MACROD2: variants seen among roughly 807,000 people sequenced by gnomAD.
MACROD2 encodes mono-ADP ribosylhydrolase 2, also known as ADP-ribose glycohydrolase MACROD2.
In MACROD2, 36 loss-of-function variants were observed where a neutral mutation model predicts 70.4. The observed-to-expected ratio is 0.51, with a 90% confidence interval of 0.39 to 0.68. The LOEUF (loss-of-function observed/expected upper bound fraction) is 0.68, where lower values mean the gene tolerates loss of function less well. Among genes scored for constraint, MACROD2 ranks in the 30% least tolerant of loss-of-function variants. MACROD2 has a pLI of 0.00. For missense variants in MACROD2, 496 were observed against 538.4 expected (o/e 0.92, Z 0.78); for synonymous variants, 172 against 178.8 (o/e 0.96, Z 0.30).
chr20:15,262,555 G>A (rs935376333), intron 6 of MACROD2, among the ~76,000 whole-genome samples: 1 of 151,900 alleles, frequency 6.6e-6, no homozygotes, highest in Non-Finnish European at 1.5e-5. Context: ...TTCTTTGAAT[G>A]TATACCTAGC....
chr20:15,560,201 A>G (rs923638269), intron 8 of MACROD2, among the ~76,000 whole-genome samples: 1 of 152,170 alleles, frequency 6.6e-6, no homozygotes, highest in African/African-American at 2.4e-5. Flanking sequence ...AGTAAGAGAC[A>G]TTGTGTTGGA....
intron 5 of MACROD2, among the ~76,000 whole-genome samples, chr20:14,958,666 T>C (rs78294514): frequency 0.01 from 1,595 of 152,262 alleles, 30 homozygotes; most frequent in African/African-American, 0.036. Flanking sequence ...CCCAAATCAG[T>C]ATGTAACCTA....
At chr20:14,677,569 G>A (rs949754607) in intron 4 of MACROD2, among the ~76,000 whole-genome samples, 2 of 152,166 alleles carry the variant, frequency 1.3e-5, no homozygotes, top group Non-Finnish European at 2.9e-5. Context: ...GTAAATGACA[G>A]GTATGTCAGT....
At chr20:14,211,791 C>T (rs1166605684) in intron 3 of MACROD2, among the ~76,000 whole-genome samples, 3 of 152,156 alleles carry the variant, frequency 2.0e-5, no homozygotes, top group African/African-American at 4.8e-5. Context: ...CTCACAAGGC[C>T]TCTTAGTCTT....
At chr20:15,883,677 A>T (rs992500679) in intron 9 of MACROD2, among the ~76,000 whole-genome samples, 13 of 152,282 alleles carry the variant, frequency 8.5e-5, no homozygotes, top group African/African-American at 3.1e-4. Flanking sequence ...TACAAAGCAC[A>T]TATATAGGAG....
At chr20:14,611,224 TTA>T (rs1010177536) in intron 4 of MACROD2, among the ~76,000 whole-genome samples, 3 of 152,146 alleles carry the variant, frequency 2.0e-5, no homozygotes, top group Non-Finnish European at 4.4e-5. Context: ...CTGTGTTTCC[TTA>T]TCTGTGAAAT....
intron 15 of MACROD2, among the ~76,000 whole-genome samples, chr20:16,003,916 G>A (rs1385461437): frequency 6.6e-6 from 1 of 152,150 alleles, no homozygotes; most frequent in Non-Finnish European, 1.5e-5. Flanking sequence ...TGGTCTGCCC[G>A]CCTCGGCCTC....
intron 4 of MACROD2, among the ~76,000 whole-genome samples, chr20:14,521,609 A>G (rs998757394): frequency 2.0e-5 from 3 of 152,182 alleles, no homozygotes; most frequent in Non-Finnish European, 2.9e-5. Context: ...TGTTGGATGA[A>G]TAGTGTGTAT....
At chr20:15,211,856 A>C (rs1450599537) in intron 5 of MACROD2, among the ~76,000 whole-genome samples, 1 of 152,208 alleles carries the variant, frequency 6.6e-6, no homozygotes, top group Non-Finnish European at 1.5e-5. Context: ...TTGTGTGGAC[A>C]TGTGTTGTCA....
intron 8 of MACROD2, among the ~76,000 whole-genome samples, chr20:15,697,651 G>A (rs2050395090): frequency 6.6e-6 from 1 of 152,202 alleles, no homozygotes; most frequent in Non-Finnish European, 1.5e-5. Context: ...TGTCAGTGGA[G>A]TACAGAAGTC....
At chr20:14,555,066 G>A (rs551686929) in intron 4 of MACROD2, among the ~76,000 whole-genome samples, 4 of 152,150 alleles carry the variant, frequency 2.6e-5, no homozygotes, top group African/African-American at 4.8e-5. Flanking sequence ...CAAGGTGACT[G>A]TAGTCAACAA....
At chr20:15,890,085 T>A (rs750769046) in intron 10 of MACROD2, among the ~76,000 whole-genome samples, 1 of 152,210 alleles carries the variant, frequency 6.6e-6, no homozygotes, top group South Asian at 2.1e-4. Flanking sequence ...AATGATACAA[T>A]ACTGTTTCAC....
chr20:15,195,737 C>A (rs1481687671), intron 5 of MACROD2, among the ~76,000 whole-genome samples: 8 of 152,084 alleles, frequency 5.3e-5, no homozygotes, highest in Non-Finnish European at 1.2e-4. Flanking sequence ...TGGATATATA[C>A]CCAAAGGAAT....
At chr20:15,017,983 T>C (rs2075134611) in intron 5 of MACROD2, among the ~76,000 whole-genome samples, 1 of 152,200 alleles carries the variant, frequency 6.6e-6, no homozygotes, top group African/African-American at 2.4e-5. Flanking sequence ...CTGGAGACAT[T>C]TTCCTCGTGG....
chr20:15,490,536 C>T (rs2047219092), intron 7 of MACROD2, among the ~76,000 whole-genome samples: 1 of 152,112 alleles, frequency 6.6e-6, no homozygotes, highest in East Asian at 1.9e-4. Flanking sequence ...GCTAAGATTA[C>T]AGGCATGAAC....
chr20:15,003,961 C>A (rs2075015910), intron 5 of MACROD2, among the ~76,000 whole-genome samples: 1 of 152,144 alleles, frequency 6.6e-6, no homozygotes. Flanking sequence ...ACCCCTGTGG[C>A]CCCACCCAGA....
At chr20:15,676,660 CTG>C (rs2050061522) in intron 8 of MACROD2, among the ~76,000 whole-genome samples, 1 of 152,176 alleles carries the variant, frequency 6.6e-6, no homozygotes, top group South Asian at 2.1e-4. Context: ...ACTGTATTAG[CTG>C]TGAGTATTCC....
chr20:14,517,172 G>A (rs2085110616), intron 4 of MACROD2, among the ~76,000 whole-genome samples: 1 of 152,078 alleles, frequency 6.6e-6, no homozygotes, highest in African/African-American at 2.4e-5. Context: ...ATTTGACCCA[G>A]CAATCCCATT....
chr20:15,120,903 G>T (rs2076025305), intron 5 of MACROD2, among the ~76,000 whole-genome samples: 1 of 152,132 alleles, frequency 6.6e-6, no homozygotes, highest in South Asian at 2.1e-4. Flanking sequence ...CTCTTAGGTG[G>T]TCTTTGCTGC....
Sources: allele counts gnomAD v4.1 joint callset (sites outside exome capture counted in the v4.1 genomes callset), GRCh38; gene constraint gnomAD v4.1.1; transcripts MANE v1.5; gene names NCBI Gene and HGNC (gene_info 2026-07-23, HGNC 2026-07-21).